Variants in CENPO observed in about 807,000 individuals in gnomAD.
The protein encoded by CENPO is centromere protein O.
A neutral mutation model predicts 36.1 loss-of-function variants in CENPO; 30 were observed. The ratio of observed to expected loss-of-function variants is 0.83; its 90% CI spans 0.62 to 1.13. The LOEUF (loss-of-function observed/expected upper bound fraction) is 1.13, where lower values mean the gene tolerates loss of function less well. Among genes scored for constraint, CENPO ranks in the 50% most tolerant of loss-of-function variants. CENPO has a pLI of 0.00. For synonymous variants in CENPO, 171 were observed against 142.3 expected (o/e 1.20, Z -1.44); for missense variants, 349 against 357.8 (o/e 0.98, Z 0.20).
At chr2:24,801,661 C>G (rs1232009624) in intron 3 of CENPO, among the ~76,000 whole-genome samples, 1 of 152,068 alleles carries the variant, frequency 6.6e-6, no homozygotes, top group Admixed American at 6.6e-5. Flanking sequence ...ATTTCTGAGG[C>G]TTCTGTTCTG....
intron 3 of CENPO, among the ~76,000 whole-genome samples, chr2:24,802,688 A>G (rs918876763): frequency 1.3e-5 from 2 of 152,164 alleles, no homozygotes; most frequent in African/African-American, 4.8e-5. Context: ...CCACTTGATC[A>G]TGGTGGATAA....
intron 3 of CENPO, among the ~76,000 whole-genome samples, chr2:24,811,697 G>A (rs1273974489): frequency 1.3e-5 from 2 of 152,002 alleles, no homozygotes; most frequent in African/African-American, 4.8e-5. Flanking sequence ...TCCTGACCTC[G>A]TGATCCACCT....
chr2:24,821,378 C>T lies in CENPO; in HGVS notation c.*2060C>T. On this transcript the variant is annotated 3_prime_UTR_variant, in exon 8 of 8. Transcript: ENST00000380834. ...CGTCTGGACTAAAGGTCTTTCAGGT[C>T]TCCTTGCCCTGTGAGTGCGTGAACC... The T allele has an allele frequency of 7.8e-7, 1 of 1,281,160 alleles. No individual in the cohort carries two copies. The highest frequency in any genetic ancestry group is 1.4e-5 in the South Asian group (1 of 69,772). 79.4% of individuals were successfully genotyped at this position (1,281,160 alleles called of 1,614,324 possible).
chr2:24,816,579 G>C, intron 5 of CENPO, 67 bp from the exon 6 acceptor site: 6 of 1,135,768 alleles, frequency 5.3e-6, no homozygotes, highest in Non-Finnish European at 6.1e-6. Flanking sequence ...GTAATTGAAG[G>C]GTCAGTAAAC....
rs1230544248 is a variant in CENPO at position 24,799,809 on chromosome 2, G to A, written c.181G>A (p.Glu61Lys). 5.0e-6 allele frequency: 8 copies of A among 1,613,568 alleles called. No homozygotes were observed. In the Admixed American group the frequency reaches 1.0e-4, roughly 20 times the overall value. The stretch of plus-strand genomic sequence containing the variant: ...TCATAAACTAAGGCGTCTGCGAGAT[G>A]AGCTGAGGGCTGTGGTGCGGCACCG... ...KIHKLRRLRD[E>K]LRAVVRHRRA... The change falls in exon 3 of 8, where the codon GAG (glutamate) becomes AAG (lysine). Residue 61 changes from glutamate to lysine, a missense_variant. Glu to Lys is a moderately conservative substitution (Grantham distance 56). Transcript: ENST00000380834.
At position 24,817,738 on chromosome 2, in the gene CENPO, C is replaced by T; in HGVS notation, c.835C>T (p.Pro279Ser). The T allele has an allele frequency of 6.2e-7, 1 of 1,614,186 alleles. No homozygotes were observed. Among genetic ancestry groups the T allele is most frequent in the Non-Finnish European group, 8.5e-7 (1 of 1,180,010 alleles). The stretch of plus-strand genomic sequence containing the variant: ...TCATGAAACTCTGTTCTGTACGAAG[C>T]CCTTGCATCAAGTGTTTGCCTCATT... ...ASHETLFCTK[P>S]LHQVFASFTR... Residue 279 changes from proline to serine, a missense_variant, in exon 7 of 8, where the codon CCC becomes TCC. Pro to Ser is a moderately conservative substitution (Grantham distance 74). Transcript: ENST00000380834.
In CENPO at chr2:24,821,415, A is replaced by G; in HGVS notation, c.*2097A>G. ...TGAGTGCGTGAACCTCCCCACCCGA[A>G]TTGCCTCAGTTGTCCTGAGCCTCAT... On this transcript the variant is annotated 3_prime_UTR_variant, in exon 8 of 8. Transcript: ENST00000380834. 1 of 1,507,916 alleles carries G rather than the reference A, an allele frequency of 6.6e-7. No homozygotes were observed. The highest frequency in any genetic ancestry group is 9.0e-7 in the Non-Finnish European group (1 of 1,115,298). The allele number at this position is 1,507,916 out of a possible 1,614,324, so 93.4% of individuals were successfully genotyped here.
chr2:24,796,967 G>A (rs1665936053), intron 2 of CENPO, among the ~76,000 whole-genome samples: 1 of 152,182 alleles, frequency 6.6e-6, no homozygotes, highest in South Asian at 2.1e-4. Flanking sequence ...GGGTAAGAGA[G>A]ATCCAGAGGC....
intron 3 of CENPO, among the ~76,000 whole-genome samples, chr2:24,810,510 T>G (rs962552037): frequency 6.7e-6 from 1 of 149,926 alleles, no homozygotes; most frequent in East Asian, 2.0e-4. Context: ...TAAGGTTTTT[T>G]TTTTTTTTTT....
In CENPO at chr2:24,819,872, C is replaced by T; in HGVS notation, c.*554C>T. 3 of 1,562,234 alleles carry T rather than the reference C, an allele frequency of 1.9e-6. No homozygotes were observed. The highest frequency in any genetic ancestry group is 2.6e-6 in the Non-Finnish European group (3 of 1,147,614). ...TTCAATCCAGGAAGGTCGGGACTTC[C>T]TTCAGTTTCAAAAAATAAATTCTCC... is the stretch of plus-strand genomic sequence containing the variant. On this transcript the variant is annotated 3_prime_UTR_variant, in exon 8 of 8. Coordinates refer to ENST00000380834, the MANE Select transcript of CENPO (RefSeq NM_001322101.2).
In CENPO at chr2:24,820,017, A is replaced by G. The variant is rs139421449; in HGVS notation, c.*699A>G. ...TAGCTTATCCCGCCCCTTCAAGAAGAAGGTCAGCAGCTCCCCCTTCCCCTT... is the reference window on the plus strand; with the variant it reads ...TAGCTTATCCCGCCCCTTCAAGAAGGAGGTCAGCAGCTCCCCCTTCCCCTT... On this transcript the variant is annotated 3_prime_UTR_variant, in exon 8 of 8. Transcript: ENST00000380834. The G allele has an allele frequency of 5.0e-6, 8 of 1,612,234 alleles. No individual in the cohort carries two copies. Among genetic ancestry groups the G allele is most frequent in the African/African-American group, 1.3e-5 (1 of 74,754 alleles).
intron 2 of CENPO, among the ~76,000 whole-genome samples, chr2:24,797,786 G>C (rs1360247322): frequency 6.6e-6 from 1 of 152,198 alleles, no homozygotes; most frequent in Non-Finnish European, 1.5e-5. Flanking sequence ...ATATAGTGCT[G>C]GGAGGTGAGA....
chr2:24,815,818 G>GT, intron 5 of CENPO, 62 bp downstream of exon 5: 1 of 1,504,828 alleles, frequency 6.6e-7, no homozygotes, highest in East Asian at 2.3e-5. Context: ...AAAGGGGGAT[G>GT]TTTTTTGTAT....
In CENPO at chr2:24,817,751, T is replaced by A. The variant is rs774222466; in HGVS notation, c.848T>A (p.Val283Glu). Reference protein sequence around the residue: ...TLFCTKPLHQVFASFTRKGEK... With the variant: ...TLFCTKPLHQEFASFTRKGEK... ...TTCTGTACGAAGCCCTTGCATCAAG[T>A]GTTTGCCTCATTTACAAGAAAAGGA... The change falls in exon 7 of 8, where the codon GTG becomes GAG. Residue 283 changes from valine to glutamate, a missense_variant. Coordinates refer to ENST00000380834, the MANE Select transcript of CENPO (RefSeq NM_001322101.2). The A allele has an allele frequency of 6.2e-7, 1 of 1,614,212 alleles. No homozygotes were observed. Among genetic ancestry groups the A allele is most frequent in the South Asian group, 1.1e-5 (1 of 91,088 alleles).
chr2:24,821,192 G>C lies in CENPO; in HGVS notation c.*1874G>C. On this transcript the variant is annotated 3_prime_UTR_variant, in exon 8 of 8. Coordinates refer to ENST00000380834, the MANE Select transcript of CENPO (RefSeq NM_001322101.2). ...GATCTTAACTCCTTTCAAAGAGCAG[G>C]CCTGTCTGGGAAGCCATGTCCTCAG... The C allele has an allele frequency of 2.3e-6, 1 of 432,774 alleles. No homozygotes were observed. The highest frequency in any genetic ancestry group is 4.2e-6 in the Non-Finnish European group (1 of 240,340). The allele number at this position is 432,774 out of a possible 1,614,324, so 26.8% of individuals were successfully genotyped here. A position where few individuals can be genotyped will look rare whatever the true frequency, so the allele number is the denominator to read the frequency against.
At position 24,820,242 on chromosome 2, in the gene CENPO, A is replaced by G. The variant is rs1667374015; in HGVS notation, c.*924A>G. 6 of 1,210,420 alleles carry G rather than the reference A, an allele frequency of 5.0e-6. No individual in the cohort carries two copies. Among genetic ancestry groups the G allele is most frequent in the Admixed American group, 6.7e-5 (2 of 30,066 alleles). The allele number at this position is 1,210,420 out of a possible 1,614,324, so 75.0% of individuals were successfully genotyped here. On this transcript the variant is annotated 3_prime_UTR_variant, in exon 8 of 8. Transcript: ENST00000380834. The stretch of plus-strand genomic sequence containing the variant: ...CCCAAGCAGTACGGGACACTCCCCA[A>G]ACCTCCCAGGGCCAAGCCCTTCCAC...
chr2:24,797,470 T>C (rs1481799050), intron 2 of CENPO, among the ~76,000 whole-genome samples: 3 of 152,148 alleles, frequency 2.0e-5, no homozygotes, highest in South Asian at 2.1e-4. Flanking sequence ...ATTAAGGCTG[T>C]GGGTACTGAT....
intron 2 of CENPO, among the ~76,000 whole-genome samples, chr2:24,796,224 C>T (rs572653605): frequency 2.2e-4 from 34 of 152,252 alleles, no homozygotes; most frequent in Non-Finnish European, 4.4e-4. Flanking sequence ...CATCGTGGTG[C>T]ATGCCTGTAG....
At chr2:24,794,820 T>C (rs1249300587) in intron 2 of CENPO, among the ~76,000 whole-genome samples, 1 of 152,234 alleles carries the variant, frequency 6.6e-6, no homozygotes, top group Non-Finnish European at 1.5e-5. Flanking sequence ...TACTCAAGCC[T>C]GATGCCTAAA....
Sources: gnomAD v4.1 joint callset for allele counts (sites outside exome capture counted in the v4.1 genomes callset) on GRCh38, gnomAD v4.1.1 for gene constraint, MANE v1.5 for transcripts, NCBI Gene and HGNC (gene_info 2026-07-23, HGNC 2026-07-21) for gene names.